Variants in IMMP2L observed in about 807,000 individuals in gnomAD.
The protein encoded by IMMP2L is inner mitochondrial membrane peptidase subunit 2, also known as mitochondrial inner membrane protease subunit 2.
IMMP2L carries 18 observed loss-of-function variants against 19.3 expected under a neutral mutation model. That is an observed-to-expected ratio of 0.93 (90% CI 0.64 to 1.38). The LOEUF (loss-of-function observed/expected upper bound fraction) is 1.38, where lower values mean the gene tolerates loss of function less well. Ranked by LOEUF, IMMP2L falls within the 40% of genes most tolerant of loss-of-function variation. IMMP2L has a pLI of 0.00. For missense variants in IMMP2L, 233 were observed against 218.2 expected (o/e 1.07, Z -0.43); for synonymous variants, 76 against 73.0 (o/e 1.04, Z -0.21).
chr7:111,436,737 A>G (rs371925828), intron 3 of IMMP2L, among the ~76,000 whole-genome samples: 1 of 151,968 alleles, frequency 6.6e-6, no homozygotes, highest in Non-Finnish European at 1.5e-5. Context: ...CTATAAAGCA[A>G]TACCTCAGAC....
intron 3 of IMMP2L, among the ~76,000 whole-genome samples, chr7:111,454,458 C>T (rs1707191223): frequency 6.6e-6 from 1 of 152,000 alleles, no homozygotes; most frequent in South Asian, 2.1e-4. Flanking sequence ...AAGCGATTAA[C>T]CCCATTAAAA....
intron 3 of IMMP2L, among the ~76,000 whole-genome samples, chr7:111,376,017 T>C (rs1327923508): frequency 6.6e-6 from 1 of 152,140 alleles, no homozygotes; most frequent in East Asian, 1.9e-4. Context: ...GGATTTAAAA[T>C]GACCTGGATT....
At chr7:110,955,803 CA>C (rs142675494) in intron 4 of IMMP2L, among the ~76,000 whole-genome samples, 9,940 of 151,898 alleles carry the variant, frequency 0.065, 386 homozygotes, top group Middle Eastern at 0.12. Context: ...TCCCTCCTTT[CA>C]GGACAGAAAC....
intron 2 of IMMP2L, among the ~76,000 whole-genome samples, chr7:111,493,858 G>T (rs1843339373): frequency 6.6e-6 from 1 of 150,994 alleles, no homozygotes; most frequent in Non-Finnish European, 1.5e-5. Context: ...AAATTAGCCG[G>T]GTGTAGTGGT....
At chr7:111,252,170 T>G (rs7779264) in intron 3 of IMMP2L, among the ~76,000 whole-genome samples, 6,675 of 151,804 alleles carry the variant, frequency 0.044, 227 homozygotes, top group South Asian at 0.083. Flanking sequence ...AAAGTTCACA[T>G]GCAGGATACC....
intron 2 of IMMP2L, among the ~76,000 whole-genome samples, chr7:111,487,649 G>T (rs2132275695): frequency 6.6e-6 from 1 of 152,172 alleles, no homozygotes; most frequent in African/African-American, 2.4e-5. Context: ...AAAACATGAG[G>T]AAGAAGTGAG....
intron 3 of IMMP2L, among the ~76,000 whole-genome samples, chr7:111,251,504 A>C (rs1403652760): frequency 1.3e-5 from 2 of 152,186 alleles, no homozygotes; most frequent in Non-Finnish European, 2.9e-5. Flanking sequence ...CATCAGCCCA[A>C]ATGCCCATCA....
At chr7:110,852,953 G>A (rs1806389054) in intron 5 of IMMP2L, among the ~76,000 whole-genome samples, 1 of 152,056 alleles carries the variant, frequency 6.6e-6, no homozygotes, top group Non-Finnish European at 1.5e-5. Context: ...TCTGTCCCTG[G>A]TGATCCCTGC....
At chr7:111,274,838 G>A (rs2130419415) in intron 3 of IMMP2L, among the ~76,000 whole-genome samples, 1 of 152,266 alleles carries the variant, frequency 6.6e-6, no homozygotes, top group Middle Eastern at 3.4e-3. Context: ...ATTCCCAACA[G>A]AAAGAGTAAT....
At chr7:111,360,329 C>T (rs931188301) in intron 3 of IMMP2L, among the ~76,000 whole-genome samples, 45 of 152,198 alleles carry the variant, frequency 3.0e-4, no homozygotes, top group Admixed American at 2.6e-4. Flanking sequence ...GCTCTGAAGA[C>T]GCCACTCTGA....
At chr7:110,950,558 A>G (rs1187478566) in intron 4 of IMMP2L, among the ~76,000 whole-genome samples, 2 of 151,998 alleles carry the variant, frequency 1.3e-5, no homozygotes, top group African/African-American at 4.8e-5. Context: ...TATATGATCC[A>G]GCAATTCTAC....
intron 3 of IMMP2L, among the ~76,000 whole-genome samples, chr7:110,994,076 G>C (rs867051018): frequency 6.6e-6 from 1 of 150,796 alleles, no homozygotes; most frequent in East Asian, 1.9e-4. Context: ...TCAAGTTAAT[G>C]TGTTGGGAAA....
intron 3 of IMMP2L, among the ~76,000 whole-genome samples, chr7:111,388,238 G>A (rs1487001065): frequency 6.6e-6 from 1 of 151,978 alleles, no homozygotes; most frequent in African/African-American, 2.4e-5. Context: ...GTTGGCTGGG[G>A]ATAGTGGGTT....
intron 3 of IMMP2L, among the ~76,000 whole-genome samples, chr7:111,180,421 ACACATTTGTCAATT>A (rs1807575165): frequency 6.6e-6 from 1 of 151,974 alleles, no homozygotes; most frequent in Admixed American, 6.6e-5. Context: ...AGTCAGAACC[ACACATTTGTCAATT>A]CAACTTGCCA....
chr7:111,551,995 T>G (rs1790721134), intron 1 of IMMP2L, among the ~76,000 whole-genome samples: 1 of 152,148 alleles, frequency 6.6e-6, no homozygotes. Context: ...GAATGAAACC[T>G]GAGGCTATTA....
chr7:110,894,821 T>G (rs770644986), intron 4 of IMMP2L, among the ~76,000 whole-genome samples: 11 of 152,196 alleles, frequency 7.2e-5, no homozygotes, highest in Admixed American at 6.5e-5. Context: ...TCGTCTGGTT[T>G]TATACTTTTA....
intron 3 of IMMP2L, among the ~76,000 whole-genome samples, chr7:111,252,948 T>G (rs977467561): frequency 6.6e-6 from 1 of 152,198 alleles, no homozygotes; most frequent in Admixed American, 6.6e-5. Flanking sequence ...TTTGTATCTA[T>G]ATCAAATTAT....
intron 3 of IMMP2L, among the ~76,000 whole-genome samples, chr7:111,034,349 T>G (rs986628017): frequency 6.6e-6 from 1 of 152,098 alleles, no homozygotes; most frequent in Admixed American, 6.5e-5. Context: ...AGTATAATAA[T>G]GGAGTTATAA....
chr7:111,128,413 T>C (rs1801523916), intron 3 of IMMP2L, among the ~76,000 whole-genome samples: 2 of 152,230 alleles, frequency 1.3e-5, no homozygotes, highest in South Asian at 4.1e-4. Flanking sequence ...TTTTTCTTGG[T>C]CTAAAATGTT....
Sources: allele counts gnomAD v4.1 joint callset (sites outside exome capture counted in the v4.1 genomes callset), GRCh38; gene constraint gnomAD v4.1.1; transcripts MANE v1.5; gene names NCBI Gene and HGNC (gene_info 2026-07-23, HGNC 2026-07-21).